The following CDCA7L variants were observed in gnomAD, a reference collection of about 807,000 sequenced individuals.
CDCA7L encodes the protein cell division cycle associated 7 like.
CDCA7L carries 44 observed loss-of-function variants against 57.4 expected under a neutral mutation model. The observed-to-expected ratio is 0.77, with a 90% CI of 0.60 to 0.98. The LOEUF (loss-of-function observed/expected upper bound fraction) is 0.98. Ranked by LOEUF, CDCA7L falls within the 50% of genes least tolerant of loss-of-function variation. CDCA7L has a pLI of 0.00. For synonymous variants in CDCA7L, 236 were observed against 202.8 expected (o/e 1.16, Z -1.39); for missense variants, 644 against 580.6 (o/e 1.11, Z -1.12).
At position 21,902,067 on chromosome 7, in the gene CDCA7L, TAACTGGCAGATATTTTTAAC is replaced by T. The variant is rs1784905722; in HGVS notation, c.*235_*254del. On this transcript the variant is annotated 3_prime_UTR_variant, in exon 10 of 10. Coordinates refer to ENST00000406877, the MANE Select transcript of CDCA7L (RefSeq NM_018719.5). ...ACCCCATTTAAACTGTGCTTTTTAA[TAACTGGCAGATATTTTTAAC>T]AAAGTTCAGCATACAGACAGGTCTG... 1 of 495,456 alleles carries T rather than the reference TAACTGGCAGATATTTTTAAC, an allele frequency of 2.0e-6. No homozygotes were observed. Among genetic ancestry groups the T allele is most frequent in the Non-Finnish European group, 3.6e-6 (1 of 275,790 alleles). The allele number at this position is 495,456 out of a possible 1,614,324, so 30.7% of individuals were successfully genotyped here.
At chr7:21,903,910 C>G in intron 8 of CDCA7L, 200 bp downstream of exon 8, 1 of 448,454 alleles carries the variant, frequency 2.2e-6, no homozygotes, top group Non-Finnish European at 3.8e-6. Flanking sequence ...AACATTAATT[C>G]TTCTATTCAC....
chr7:21,942,119 A>T (rs1375635257), intron 1 of CDCA7L, among the ~76,000 whole-genome samples: 1 of 152,204 alleles, frequency 6.6e-6, no homozygotes, highest in African/African-American at 2.4e-5. Flanking sequence ...CTATCTGATC[A>T]GTGTACTAAC....
At chr7:21,932,229 A>C (rs1786039918) in intron 1 of CDCA7L, among the ~76,000 whole-genome samples, 1 of 152,226 alleles carries the variant, frequency 6.6e-6, no homozygotes, top group African/African-American at 2.4e-5. Context: ...ATACTGCCCA[A>C]AGTAATTTAT....
Position 21,901,695 on chromosome 7 carries a change from A to AAAAT in CDCA7L, c.*623_*626dup, listed in dbSNP as rs1784872109. The AAAAT allele has an allele frequency of 6.6e-6, 1 of 151,386 alleles. No homozygotes were observed. The highest frequency in any genetic ancestry group is 6.4e-5 in the Admixed American group (1 of 15,578). The allele number at this position is 151,386 out of a possible 1,614,324, so 9.4% of individuals were successfully genotyped here. A position where few individuals can be genotyped will look rare whatever the true frequency, so the allele number is the denominator to read the frequency against. Reference sequence around the variant, plus strand: ...AAATTATTAGCCCTTAAACTCTTTCAAAATATAAAAGCAGCAGGCCCCAGG... The same window carrying AAAAT: ...AAATTATTAGCCCTTAAACTCTTTCAAAATAAATATAAAAGCAGCAGGCCCCAGG... On this transcript the variant is annotated 3_prime_UTR_variant, in exon 10 of 10. Coordinates refer to ENST00000406877, the MANE Select transcript of CDCA7L (RefSeq NM_018719.5).
intron 1 of CDCA7L, among the ~76,000 whole-genome samples, chr7:21,920,166 C>G (rs1785607375): frequency 6.6e-6 from 1 of 152,146 alleles, no homozygotes; most frequent in African/African-American, 2.4e-5. Context: ...ACAATCAGTG[C>G]AAATATCAAC....
Position 21,906,271 on chromosome 7 carries a change from G to A in CDCA7L, c.921+18C>T, listed in dbSNP as rs1785135761. Reference sequence around the variant, plus strand: ...GTAGCTCAGACAAAAACTAATTCATGTATTAGTCAGAAAATACCCCAATTG... The same window carrying A: ...GTAGCTCAGACAAAAACTAATTCATATATTAGTCAGAAAATACCCCAATTG... On this transcript the variant is annotated intron_variant, in intron 6 of 9. Transcript: ENST00000406877. The A allele has an allele frequency of 6.4e-7, 1 of 1,573,306 alleles. No individual in the cohort carries two copies. Among genetic ancestry groups the A allele is most frequent in the Non-Finnish European group, 8.6e-7 (1 of 1,158,772 alleles).
chr7:21,904,102 G>A lies in CDCA7L; in HGVS notation c.1197+8C>T, dbSNP rs766867263. Reference sequence around the variant, plus strand: ...ACAATTTACAACAAATGCAAACACTGTTCCTACCGGGTCCAGCAATGCCGA... The same window carrying A: ...ACAATTTACAACAAATGCAAACACTATTCCTACCGGGTCCAGCAATGCCGA... On this transcript the variant is annotated splice_region_variant and intron_variant, in intron 8 of 9. Transcript: ENST00000406877. The A allele has an allele frequency of 2.5e-6, 4 of 1,587,226 alleles. No homozygotes were observed. The highest frequency in any genetic ancestry group is 3.4e-6 in the Non-Finnish European group (4 of 1,168,032).
chr7:21,934,380 T>C (rs1197657877), intron 1 of CDCA7L, among the ~76,000 whole-genome samples: 5 of 152,124 alleles, frequency 3.3e-5, no homozygotes, highest in African/African-American at 1.2e-4. Flanking sequence ...GAATGTTATA[T>C]GTAATCTCCA....
intron 1 of CDCA7L, among the ~76,000 whole-genome samples, chr7:21,929,532 C>T (rs2128066804): frequency 6.7e-6 from 1 of 149,662 alleles, no homozygotes; most frequent in South Asian, 2.1e-4. Context: ...AGAGTCAAGA[C>T]CCATCGGTGT....
intron 5 of CDCA7L, 29 bp downstream of exon 5, chr7:21,906,539 T>G: frequency 6.2e-7 from 1 of 1,611,800 alleles, no homozygotes. Flanking sequence ...TATATCAGTA[T>G]TGGTATAATT....
intron 1 of CDCA7L, among the ~76,000 whole-genome samples, chr7:21,926,702 C>A (rs1244445834): frequency 2.0e-5 from 3 of 149,158 alleles, no homozygotes; most frequent in Admixed American, 6.7e-5. Flanking sequence ...GACCCCATCT[C>A]AAAAAAAAAA....
chr7:21,933,542 C>G (rs1786078361), intron 1 of CDCA7L, among the ~76,000 whole-genome samples: 1 of 152,140 alleles, frequency 6.6e-6, no homozygotes, highest in Non-Finnish European at 1.5e-5. Flanking sequence ...TATCAGCAAA[C>G]TAACACAAGA....
chr7:21,903,895 C>T, intron 8 of CDCA7L: 1 of 396,024 alleles, frequency 2.5e-6, no homozygotes, highest in Non-Finnish European at 4.4e-6. Context: ...AATGGAAAAT[C>T]TAACAACATT....
At chr7:21,916,068 C>G (rs1312802431) in intron 2 of CDCA7L, among the ~76,000 whole-genome samples, 1 of 152,174 alleles carries the variant, frequency 6.6e-6, no homozygotes, top group Non-Finnish European at 1.5e-5. Context: ...AACTGCTTCC[C>G]TTCCTGGACT....
chr7:21,945,154 G>C (rs953439304), intron 1 of CDCA7L, among the ~76,000 whole-genome samples: 3 of 152,030 alleles, frequency 2.0e-5, no homozygotes, highest in Admixed American at 6.6e-5. Context: ...TTTTAAAGAC[G>C]AGTTAGGCCC....
chr7:21,901,293 G>C lies in CDCA7L; in HGVS notation c.*1029C>G, dbSNP rs1784822462. 2 of 1,560,846 alleles carry C rather than the reference G, an allele frequency of 1.3e-6. No individual in the cohort carries two copies. Among genetic ancestry groups the C allele is most frequent in the Non-Finnish European group, 1.7e-6 (2 of 1,153,884 alleles). ...TTCCTCTAGCCTCTGCTGGAGTGCAGTGAGGATTTTCTAGCATGTTGCTGC... is the reference window on the plus strand; with the variant it reads ...TTCCTCTAGCCTCTGCTGGAGTGCACTGAGGATTTTCTAGCATGTTGCTGC... On this transcript the variant is annotated 3_prime_UTR_variant, in exon 10 of 10. Coordinates refer to ENST00000406877, the MANE Select transcript of CDCA7L (RefSeq NM_018719.5).
intron 7 of CDCA7L, among the ~76,000 whole-genome samples, chr7:21,904,904 AAGGTGAC>A (rs1378734477): frequency 6.6e-5 from 10 of 152,168 alleles, no homozygotes; most frequent in African/African-American, 1.4e-4. Context: ...GAGCCCCTGA[AAGGTGAC>A]AGGTGACTGA....
chr7:21,901,062 G>A lies in CDCA7L; in HGVS notation c.*1260C>T. 1.2e-6 allele frequency: 2 copies of A among 1,613,814 alleles called. No homozygotes were observed. The highest frequency in any genetic ancestry group is 1.7e-6 in the Non-Finnish European group (2 of 1,179,794). ...TTGTTGAAGCCCGTCTCAAGGAGCTGGCATGCCCTATGCCGGTCATCTTTG... is the reference window on the plus strand; with the variant it reads ...TTGTTGAAGCCCGTCTCAAGGAGCTAGCATGCCCTATGCCGGTCATCTTTG... On this transcript the variant is annotated 3_prime_UTR_variant, in exon 10 of 10. Coordinates refer to ENST00000406877, the MANE Select transcript of CDCA7L (RefSeq NM_018719.5).
intron 3 of CDCA7L, among the ~76,000 whole-genome samples, 169 bp downstream of exon 3, chr7:21,911,448 C>A (rs1229666717): frequency 6.6e-6 from 1 of 152,016 alleles, no homozygotes; most frequent in Non-Finnish European, 1.5e-5. Context: ...ACTGGTGGAC[C>A]AGGGATTAGC....
Sources: gnomAD v4.1 joint callset for allele counts (sites outside exome capture counted in the v4.1 genomes callset) on GRCh38, gnomAD v4.1.1 for gene constraint, MANE v1.5 for transcripts, NCBI Gene and HGNC (gene_info 2026-07-23, HGNC 2026-07-21) for gene names.